The following EPHB1 variants were observed in gnomAD, a reference collection of about 807,000 sequenced individuals.
EPHB1 encodes EPH receptor B1.
Under a neutral mutation model 94.4 loss-of-function variants are expected in EPHB1, and 30 were observed. The ratio of observed to expected loss-of-function variants is 0.32; its 90% CI spans 0.24 to 0.43. EPHB1 has a LOEUF of 0.43. Ranked by LOEUF, EPHB1 falls within the 20% of genes least tolerant of loss-of-function variation. EPHB1 has a pLI of 1.00. For synonymous variants in EPHB1, 522 were observed against 489.1 expected (o/e 1.07, Z -0.89); for missense variants, 1,055 against 1,308.3 (o/e 0.81, Z 2.99).
chr3:134,928,072 G>C (rs1241899538), intron 2 of EPHB1, among the ~76,000 whole-genome samples: 3 of 152,228 alleles, frequency 2.0e-5, no homozygotes, highest in African/African-American at 7.2e-5. Context: ...ATGTCTAGCT[G>C]CCACCTCTTT....
chr3:135,010,078 T>C (rs1404038742), intron 3 of EPHB1, among the ~76,000 whole-genome samples: 1 of 152,218 alleles, frequency 6.6e-6, no homozygotes, highest in Admixed American at 6.5e-5. Flanking sequence ...ACTGTATATC[T>C]TTTTTAAAAT....
intron 2 of EPHB1, among the ~76,000 whole-genome samples, chr3:134,944,011 C>A (rs997094256): frequency 1.3e-5 from 2 of 152,172 alleles, no homozygotes; most frequent in Non-Finnish European, 2.9e-5. Context: ...TTAATCAATT[C>A]AGTAATTTTT....
rs1197013147 is a variant in EPHB1 at position 134,955,071 on chromosome 3, C to CTTTTTTTTTTTTTTTTTT, written c.805+3034_805+3051dup. Among the ~76,000 whole-genome samples the CTTTTTTTTTTTTTTTTTT allele has an allele frequency of 7.1e-4, 6 of 8,414 alleles. 1 individual carries two copies. Among genetic ancestry groups the CTTTTTTTTTTTTTTTTTT allele is most frequent in the African/African-American group, 8.6e-4 (2 of 2,326 alleles). The allele number at this position is 8,414 out of a possible 152,430, so 5.5% of individuals were successfully genotyped here. ...CTAAGGCCTGTTCCTGACATCCTTT[C>CTTTTTTTTTTTTTTTTTT]TTTTTTTTTTTTTTTTTTTTTTTTT... On this transcript the variant is annotated intron_variant, in intron 3 of 15. Coordinates refer to ENST00000398015, the MANE Select transcript of EPHB1 (RefSeq NM_004441.5).
intron 1 of EPHB1, among the ~76,000 whole-genome samples, chr3:134,795,965 C>T (rs964215214): frequency 6.6e-6 from 1 of 152,258 alleles, no homozygotes; most frequent in African/African-American, 2.4e-5. Flanking sequence ...CTCCCGCAGC[C>T]CCCGCTCGGA....
intron 3 of EPHB1, among the ~76,000 whole-genome samples, chr3:135,029,443 T>A (rs1212661307): frequency 4.0e-5 from 6 of 148,192 alleles, no homozygotes; most frequent in African/African-American, 1.5e-4. Context: ...TCTCAGCATT[T>A]GCTTGTCTAT....
intron 1 of EPHB1, among the ~76,000 whole-genome samples, chr3:134,892,450 ACT>A (rs1283419920): frequency 3.3e-5 from 5 of 152,230 alleles, no homozygotes; most frequent in African/African-American, 1.2e-4. Context: ...TAACAGGTTA[ACT>A]CTGTCTTAAG....
intron 3 of EPHB1, among the ~76,000 whole-genome samples, chr3:134,963,653 C>A (rs936324): frequency 0.49 from 74,115 of 151,922 alleles, 18,775 homozygotes; most frequent in African/African-American, 0.6. Flanking sequence ...ACCGAGGCAC[C>A]GAGAAGGTAA....
chr3:134,952,138 G>A, intron 3 of EPHB1, 86 bp downstream of exon 3: 2 of 1,402,786 alleles, frequency 1.4e-6, no homozygotes, highest in South Asian at 2.7e-5. Context: ...GGGTCATACA[G>A]GAACAGAAAA....
At chr3:134,953,963 C>T (rs1686194539) in intron 3 of EPHB1, among the ~76,000 whole-genome samples, 1 of 152,218 alleles carries the variant, frequency 6.6e-6, no homozygotes, top group Non-Finnish European at 1.5e-5. Context: ...CATTTCTAAT[C>T]TTGAGCTATT....
chr3:135,226,411 A>G (rs762944247), intron 12 of EPHB1, among the ~76,000 whole-genome samples: 2 of 152,244 alleles, frequency 1.3e-5, no homozygotes, highest in Non-Finnish European at 2.9e-5. Context: ...AAATTCACGA[A>G]CGAGTGACAG....
At chr3:135,009,544 C>A (rs1270720076) in intron 3 of EPHB1, among the ~76,000 whole-genome samples, 1 of 152,216 alleles carries the variant, frequency 6.6e-6, no homozygotes, top group African/African-American at 2.4e-5. Context: ...AAATACCAAG[C>A]TTCTCCCACT....
chr3:134,862,573 T>C (rs886837558), intron 1 of EPHB1, among the ~76,000 whole-genome samples: 3 of 151,354 alleles, frequency 2.0e-5, no homozygotes, highest in Non-Finnish European at 2.9e-5. Context: ...CTAATTAAAA[T>C]ATATTGTCAA....
chr3:135,045,984 A>G (rs1156412932), intron 3 of EPHB1, among the ~76,000 whole-genome samples: 1 of 152,194 alleles, frequency 6.6e-6, no homozygotes, highest in East Asian at 1.9e-4. Flanking sequence ...TGTATTTAAG[A>G]TGAATTTTCT....
intron 3 of EPHB1, among the ~76,000 whole-genome samples, chr3:135,095,362 A>G (rs531164662): frequency 1.3e-5 from 2 of 152,134 alleles, no homozygotes; most frequent in East Asian, 1.9e-4. Context: ...GCAATCCCCA[A>G]TCAATTGCCA....
intron 1 of EPHB1, among the ~76,000 whole-genome samples, chr3:134,826,706 G>C (rs991768191): frequency 3.3e-5 from 5 of 152,168 alleles, no homozygotes; most frequent in African/African-American, 1.2e-4. Flanking sequence ...CTATATAGCA[G>C]CTTTTCCACA....
intron 3 of EPHB1, among the ~76,000 whole-genome samples, chr3:134,999,236 T>C (rs752957207): frequency 3.3e-5 from 5 of 152,084 alleles, no homozygotes; most frequent in Non-Finnish European, 7.4e-5. Flanking sequence ...AAAGAGAGCT[T>C]GAGAGAAAAT....
At chr3:134,967,886 G>T (rs968198548) in intron 3 of EPHB1, among the ~76,000 whole-genome samples, 2 of 152,176 alleles carry the variant, frequency 1.3e-5, no homozygotes, top group African/African-American at 4.8e-5. Flanking sequence ...TCTAAGATGA[G>T]GTCTCAAAGT....
chr3:135,009,723 C>G (rs1043867118), intron 3 of EPHB1, among the ~76,000 whole-genome samples: 2 of 152,212 alleles, frequency 1.3e-5, no homozygotes, highest in Non-Finnish European at 2.9e-5. Flanking sequence ...GGCAGCTTAT[C>G]ACCCAATTTG....
chr3:135,259,330 TATATA>T lies in EPHB1; in HGVS notation c.*214_*218del, dbSNP rs1194186351. On this transcript the variant is annotated 3_prime_UTR_variant, in exon 16 of 16. Coordinates refer to ENST00000398015, the MANE Select transcript of EPHB1 (RefSeq NM_004441.5). ...GTTTGAGATGCCGTGGGAAACCAAA[TATATA>T]ATAATAAAAATATAAAAAGGTGATG... 1.5e-5 allele frequency: 6 copies of T among 392,188 alleles called. No homozygotes were observed. Among genetic ancestry groups the T allele is most frequent in the Non-Finnish European group, 2.7e-5 (6 of 218,212 alleles). 24.3% of individuals were successfully genotyped at this position (392,188 alleles called of 1,614,324 possible). A position where few individuals can be genotyped will look rare whatever the true frequency, so the allele number is the denominator to read the frequency against.
Sources: allele counts gnomAD v4.1 joint callset (sites outside exome capture counted in the v4.1 genomes callset), GRCh38; gene constraint gnomAD v4.1.1; transcripts MANE v1.5; gene names NCBI Gene and HGNC (gene_info 2026-07-23, HGNC 2026-07-21).